PPP2R5D: variants seen among roughly 807,000 people sequenced by gnomAD.
PPP2R5D encodes protein phosphatase 2 regulatory subunit B'delta.
PPP2R5D carries 12 observed loss-of-function variants against 79.1 expected under a neutral mutation model. The ratio of observed to expected loss-of-function variants is 0.15; its 90% CI spans 0.10 to 0.25. The LOEUF is 0.25. PPP2R5D is among the 10% of genes least tolerant of loss of function. The pLI is 1.00. For missense variants in PPP2R5D, 419 were observed against 760.2 expected, an observed-to-expected ratio of 0.55 and a Z score of 5.28; for synonymous variants, 277 against 286.6, an observed-to-expected ratio of 0.97 and a Z score of 0.34.
At chr6:42,992,092 C>G (rs1359870135) in intron 2 of PPP2R5D, among the ~76,000 whole-genome samples, 1 of 151,342 alleles carries the variant, frequency 6.6e-6, no homozygotes. Flanking sequence ...TGGAATCTTG[C>G]TCTGTCGCCC....
intron 2 of PPP2R5D, among the ~76,000 whole-genome samples, chr6:43,000,818 G>C (rs1028930851): frequency 2.0e-5 from 3 of 152,194 alleles, no homozygotes; most frequent in African/African-American, 4.8e-5. Flanking sequence ...GGAGGAGCCT[G>C]GGCAGGACCT....
chr6:43,007,559 C>T lies in PPP2R5D; in HGVS notation c.726+53C>T, dbSNP rs370198590. On this transcript the variant is annotated intron_variant, in intron 6 of 15. Coordinates refer to ENST00000485511, the MANE Select transcript of PPP2R5D (RefSeq NM_006245.4). The surrounding 1 kb of genome is among the most constrained non-coding windows in gnomAD (Gnocchi z 4.5). ...CTCTCTTTCCATTCCATGCCCCCTTCATCTGTGTCCCAGTGGCTCTTTCCC... is the reference window on the plus strand; with the variant it reads ...CTCTCTTTCCATTCCATGCCCCCTTTATCTGTGTCCCAGTGGCTCTTTCCC... 1,073 of 1,470,346 alleles carry T rather than the reference C, an allele frequency of 7.3e-4. No homozygotes were observed. The highest frequency in any genetic ancestry group is 9.1e-4 in the Non-Finnish European group (951 of 1,049,920). The allele number at this position is 1,470,346 out of a possible 1,614,324, so 91.1% of individuals were successfully genotyped here.
In PPP2R5D at chr6:43,012,234, T is replaced by A. The variant is rs1191614524; in HGVS notation, c.*948T>A. ...GGGCGCAGGCAGTGCGGCTTTTGGC[T>A]GTGTACATAGGGTGCTTTATTCTCC... is the stretch of plus-strand genomic sequence containing the variant. On this transcript the variant is annotated 3_prime_UTR_variant, in exon 16 of 16. Transcript: ENST00000485511. 8.2e-7 allele frequency: 1 copy of A among 1,218,690 alleles called. No individual in the cohort carries two copies. The allele number at this position is 1,218,690 out of a possible 1,614,324, so 75.5% of individuals were successfully genotyped here.
chr6:43,003,943 C>T (rs947176395), intron 2 of PPP2R5D, among the ~76,000 whole-genome samples: 1 of 151,794 alleles, frequency 6.6e-6, no homozygotes, highest in African/African-American at 2.4e-5. Flanking sequence ...TGGTCTCGAT[C>T]TCCTGACCTC....
At chr6:43,000,699 C>T (rs1050903546) in intron 2 of PPP2R5D, among the ~76,000 whole-genome samples, 1 of 152,170 alleles carries the variant, frequency 6.6e-6, no homozygotes, top group African/African-American at 2.4e-5. Context: ...GGCACTGAGC[C>T]CCTCACCCTA....
intron 2 of PPP2R5D, among the ~76,000 whole-genome samples, chr6:43,002,453 G>A (rs944682263): frequency 2.7e-5 from 4 of 148,774 alleles, no homozygotes; most frequent in Admixed American, 2.6e-4. Flanking sequence ...GTGAGCCACC[G>A]TGCCTGGCCT....
intron 2 of PPP2R5D, among the ~76,000 whole-genome samples, chr6:42,998,015 T>TTATATATATA (rs1561843629): frequency 9.6e-4 from 31 of 32,324 alleles, no homozygotes; most frequent in Non-Finnish European, 1.1e-3. Flanking sequence ...TGGGTTTTAT[T>TTATATATATA]TATATATATA....
chr6:43,007,372 C>T lies in PPP2R5D; in HGVS notation c.634-42C>T. 6.2e-7 allele frequency: 1 copy of T among 1,603,436 alleles called. No individual in the cohort carries two copies. On this transcript the variant is annotated intron_variant, in intron 5 of 15. Coordinates refer to ENST00000485511, the MANE Select transcript of PPP2R5D (RefSeq NM_006245.4). This position sits in a 1 kb window ranked among gnomAD's most constrained non-coding sequence, Gnocchi z 4.5. ...GTGGGGCACTTGGAGGCCTGCAAGT[C>T]CTTGGGAACATCCCCTCAGTGGCGT...
At chr6:42,989,549 C>A in intron 1 of PPP2R5D, 62 bp from the exon 2 acceptor site, 1 of 1,335,806 alleles carries the variant, frequency 7.5e-7, no homozygotes, top group Non-Finnish European at 1.1e-6. Context: ...TCTAAGGGAG[C>A]CAGATAAGAC....
intron 2 of PPP2R5D, among the ~76,000 whole-genome samples, chr6:43,004,612 T>C (rs1401411723): frequency 2.7e-5 from 4 of 148,936 alleles, no homozygotes; most frequent in Non-Finnish European, 4.4e-5. Flanking sequence ...ATCAATTGAC[T>C]TTCTACCATG....
intron 2 of PPP2R5D, among the ~76,000 whole-genome samples, chr6:43,004,890 C>T (rs998942798): frequency 1.3e-5 from 2 of 151,540 alleles, no homozygotes; most frequent in Non-Finnish European, 2.9e-5. Context: ...GCTGGGATTA[C>T]AGGCACCCGC....
At position 43,007,600 on chromosome 6, in the gene PPP2R5D, T is replaced by C. The variant is rs1163107128; in HGVS notation, c.726+94T>C. ...GCTCTTTCCCCTTAAGCTGAATATATTGGGTTTCATCCATGTCTGGTACGA... is the reference window on the plus strand; with the variant it reads ...GCTCTTTCCCCTTAAGCTGAATATACTGGGTTTCATCCATGTCTGGTACGA... On this transcript the variant is annotated intron_variant, in intron 6 of 15. Transcript: ENST00000485511. This position sits in a 1 kb window ranked among gnomAD's most constrained non-coding sequence, Gnocchi z 4.5. The C allele has an allele frequency of 7.3e-6, 9 of 1,236,472 alleles. No homozygotes were observed. The highest frequency in any genetic ancestry group is 1.1e-5 in the Non-Finnish European group (9 of 845,638). 76.6% of individuals were successfully genotyped at this position (1,236,472 alleles called of 1,614,324 possible).
chr6:42,992,378 C>T (rs1442715978), intron 2 of PPP2R5D, among the ~76,000 whole-genome samples: 3 of 152,110 alleles, frequency 2.0e-5, no homozygotes, highest in African/African-American at 4.8e-5. Context: ...TTTTCTTGTC[C>T]GGAATTTTGG....
In PPP2R5D at chr6:42,984,639, C is replaced by G. The variant is rs778310479; in HGVS notation, c.-39C>G. 1.3e-6 allele frequency: 2 copies of G among 1,578,738 alleles called. No homozygotes were observed. Among genetic ancestry groups the G allele is most frequent in the Middle Eastern group, 1.9e-4 (1 of 5,334 alleles). On this transcript the variant is annotated 5_prime_UTR_variant, in exon 1 of 16. Transcript: ENST00000485511. ...CGGCCGAGCAAAGCCGGAGCCGGAG[C>G]GGGGCCGCAGGAGACGGGCCGGGTC...
chr6:43,005,141 CTTTT>C (rs762415952), intron 2 of PPP2R5D, among the ~76,000 whole-genome samples: 1 of 120,056 alleles, frequency 8.3e-6, no homozygotes. Context: ...GTGCACAAAG[CTTTT>C]TTTTTTTTTT....
At position 43,009,313 on chromosome 6, in the gene PPP2R5D, C is replaced by T. The variant is rs1762240550; in HGVS notation, c.1252-9C>T. 3 of 1,614,098 alleles carry T rather than the reference C, an allele frequency of 1.9e-6. No homozygotes were observed. Among genetic ancestry groups the T allele is most frequent in the Non-Finnish European group, 2.5e-6 (3 of 1,180,036 alleles). The stretch of plus-strand genomic sequence containing the variant: ...AGCAGCACCCACCGAGTCTGCCTCT[C>T]CCCACCAGGTGGCAGAGCGTGCTCT... On this transcript the variant is annotated splice_polypyrimidine_tract_variant and intron_variant, in intron 11 of 15. Coordinates refer to ENST00000485511, the MANE Select transcript of PPP2R5D (RefSeq NM_006245.4). The surrounding 1 kb of genome is among the most constrained non-coding windows in gnomAD (Gnocchi z 5.6).
rs552516954 is a variant in PPP2R5D at position 43,011,920 on chromosome 6, C to T, written c.*634C>T. 1 of 154,994 alleles carries T rather than the reference C, an allele frequency of 6.5e-6. No homozygotes were observed. Among genetic ancestry groups the T allele is most frequent in the East Asian group, 1.9e-4 (1 of 5,196 alleles). 9.6% of individuals were successfully genotyped at this position (154,994 alleles called of 1,614,324 possible). A position where few individuals can be genotyped will look rare whatever the true frequency, so the allele number is the denominator to read the frequency against. Reference sequence around the variant, plus strand: ...TGATGAATATAGGGCCCAGATGGACCAAGTGGGGCCGGGGAGGGATGAATA... The same window carrying T: ...TGATGAATATAGGGCCCAGATGGACTAAGTGGGGCCGGGGAGGGATGAATA... On this transcript the variant is annotated 3_prime_UTR_variant, in exon 16 of 16. Transcript: ENST00000485511.
At chr6:42,988,951 C>T (rs189654419) in intron 1 of PPP2R5D, among the ~76,000 whole-genome samples, 2 of 152,306 alleles carry the variant, frequency 1.3e-5, no homozygotes, top group East Asian at 3.9e-4. Context: ...CTGCCAGGTT[C>T]CCAAAGGAGA....
Position 42,987,346 on chromosome 6 carries a change from TCTC to T in PPP2R5D, c.28-2261_28-2259del, listed in dbSNP as rs1398234887. Among the ~76,000 whole-genome samples the T allele has an allele frequency of 2.0e-5, 3 of 152,210 alleles. No homozygotes were observed. The East Asian group carries it at 5.8e-4, about 29-fold the overall frequency. On this transcript the variant is annotated intron_variant, in intron 1 of 15. Transcript: ENST00000485511. ...TCGCATCTCTCCTCTTCCTTCATGT[TCTC>T]CTCTGGGACTTACCTCTTTTATTTT...
Sources: gnomAD v4.1 joint callset for allele counts (sites outside exome capture counted in the v4.1 genomes callset) on GRCh38, gnomAD v4.1.1 for gene constraint, Gnocchi (gnomAD v3.1) non-coding constraint, MANE v1.5 for transcripts, NCBI Gene and HGNC (gene_info 2026-07-23, HGNC 2026-07-21) for gene names.